The following SLC12A2 variants were observed in gnomAD, a reference collection of about 807,000 sequenced individuals.
The protein encoded by SLC12A2 is solute carrier family 12 member 2, also known as Na-K-2Cl cotransporter 1.
A neutral mutation model predicts 136.3 loss-of-function variants in SLC12A2; 67 were observed. The observed-to-expected ratio is 0.49, with a 90% CI of 0.40 to 0.60. The LOEUF is 0.60. Among genes scored for constraint, SLC12A2 ranks in the 20% least tolerant of loss-of-function variants. The pLI is 0.00. For synonymous variants in SLC12A2, 619 were observed against 562.9 expected, an observed-to-expected ratio of 1.10 and a Z score of -1.41; for missense variants, 1,322 against 1,534.7, an observed-to-expected ratio of 0.86 and a Z score of 2.32.
intron 22 of SLC12A2, among the ~76,000 whole-genome samples, chr5:128,179,767 C>T (rs1411092454): frequency 6.6e-5 from 10 of 152,020 alleles, no homozygotes; most frequent in Non-Finnish European, 1.5e-5. Context: ...CACTAAGCTC[C>T]ACCTCCAGCA....
chr5:128,110,284 C>T (rs1255266096), intron 1 of SLC12A2: 19 of 812,742 alleles, frequency 2.3e-5, no homozygotes, highest in Admixed American at 1.9e-4. Context: ...CCAAGGATAT[C>T]GTGATGCCTA....
At chr5:128,102,103 C>T (rs1760759303) in intron 1 of SLC12A2, among the ~76,000 whole-genome samples, 1 of 151,848 alleles carries the variant, frequency 6.6e-6, no homozygotes, top group Non-Finnish European at 1.5e-5. Context: ...TAGTAGATCA[C>T]TTATTTGTTT....
At chr5:128,134,807 G>A (rs1406486512) in intron 6 of SLC12A2, among the ~76,000 whole-genome samples, 2 of 152,032 alleles carry the variant, frequency 1.3e-5, no homozygotes, top group African/African-American at 4.8e-5. Flanking sequence ...GAGCATCATA[G>A]CACAGCTGTA....
At chr5:128,153,100 T>A (rs1762757418) in intron 15 of SLC12A2, among the ~76,000 whole-genome samples, 1 of 152,194 alleles carries the variant, frequency 6.6e-6, no homozygotes, top group African/African-American at 2.4e-5. Flanking sequence ...TTCATAAAGA[T>A]TTTTTGACAT....
At chr5:128,150,144 G>A (rs1156742544) in intron 13 of SLC12A2, 46 bp downstream of exon 13, 1 of 1,217,492 alleles carries the variant, frequency 8.2e-7, no homozygotes. Flanking sequence ...ATTTTTGATT[G>A]CAAAGAAAAT....
intron 18 of SLC12A2, chr5:128,171,095 CAA>C (rs765159997): frequency 4.0e-4 from 22 of 54,874 alleles, no homozygotes; most frequent in South Asian, 6.3e-4. Context: ...GACTCTGTCT[CAA>C]AAAAAAAAAA....
In SLC12A2 at chr5:128,188,513, T is replaced by A. The variant is rs1479940576; in HGVS notation, c.*1882T>A. On this transcript the variant is annotated 3_prime_UTR_variant, in exon 27 of 27. Transcript: ENST00000262461. The stretch of plus-strand genomic sequence containing the variant: ...TTTCACCGTGTTGGCTAGGATGGTG[T>A]CTATCTCTTGACCTTGTGATCCACC... 2 of 151,828 alleles carry A rather than the reference T, an allele frequency of 1.3e-5. No individual in the cohort carries two copies. The highest frequency in any genetic ancestry group is 2.9e-5 in the Non-Finnish European group (2 of 67,952). 9.4% of individuals were successfully genotyped at this position (151,828 alleles called of 1,614,324 possible).
intron 4 of SLC12A2, among the ~76,000 whole-genome samples, chr5:128,126,966 A>ATATATAATTTT: frequency 0.12 from 2,475 of 21,208 alleles, 251 homozygotes; most frequent in East Asian, 0.18. Context: ...ATATATATAT[A>ATATATAATTTT]TTTTTTTTTT....
intron 4 of SLC12A2, among the ~76,000 whole-genome samples, chr5:128,119,477 G>A (rs1172928851): frequency 6.6e-6 from 1 of 152,004 alleles, no homozygotes; most frequent in African/African-American, 2.4e-5. Context: ...ATTAAATAGG[G>A]AATCCTTTCC....
chr5:128,152,657 T>G (rs745790872), intron 14 of SLC12A2, 49 bp from the exon 15 acceptor site: 1 of 1,142,008 alleles, frequency 8.8e-7, no homozygotes, highest in Non-Finnish European at 1.3e-6. Flanking sequence ...GGCTATTGAT[T>G]GGTTGTTATT....
intron 26 of SLC12A2, 26 bp from the exon 27 acceptor site, chr5:128,186,470 T>TC (rs1217142444): frequency 6.4e-7 from 1 of 1,570,618 alleles, no homozygotes; most frequent in Admixed American, 2.1e-5. Flanking sequence ...GGTTTTTTTT[T>TC]TTTCTTTTTC....
chr5:128,155,112 A>G (rs1043892145), intron 15 of SLC12A2, among the ~76,000 whole-genome samples: 3 of 152,182 alleles, frequency 2.0e-5, no homozygotes, highest in African/African-American at 7.2e-5. Context: ...GATGTTGGGC[A>G]GGCAGTGTCT....
In SLC12A2 at chr5:128,134,155, CTT is replaced by C. The variant is rs774511847; in HGVS notation, c.1189-6_1189-5del. Reference sequence around the variant, plus strand: ...GTATTGCTTATTATATTTATGATTCCTTTTTCTAGGAACATTCCATACTTATG... The same window carrying C: ...GTATTGCTTATTATATTTATGATTCCTTTCTAGGAACATTCCATACTTATG... On this transcript the variant is annotated splice_region_variant and splice_polypyrimidine_tract_variant and intron_variant, in intron 5 of 26. Coordinates refer to ENST00000262461, the MANE Select transcript of SLC12A2 (RefSeq NM_001046.3). The C allele has an allele frequency of 1.4e-6, 2 of 1,401,724 alleles. No individual in the cohort carries two copies. The highest frequency in any genetic ancestry group is 2.0e-6 in the Non-Finnish European group (2 of 991,844). 86.8% of individuals were successfully genotyped at this position (1,401,724 alleles called of 1,614,324 possible). A position where few individuals can be genotyped will look rare whatever the true frequency, so the allele number is the denominator to read the frequency against.
At chr5:128,164,508 G>A (rs906466079) in intron 17 of SLC12A2, among the ~76,000 whole-genome samples, 3 of 152,108 alleles carry the variant, frequency 2.0e-5, no homozygotes, top group Admixed American at 6.5e-5. Context: ...AATAGGTGCC[G>A]GTTGCCTCTG....
intron 1 of SLC12A2, among the ~76,000 whole-genome samples, chr5:128,091,721 A>G (rs1166723485): frequency 2.0e-5 from 3 of 152,126 alleles, no homozygotes; most frequent in Non-Finnish European, 4.4e-5. Flanking sequence ...GGGGGTTTCT[A>G]ATTGGAAGAA....
intron 1 of SLC12A2, chr5:128,110,785 A>G (rs1350934914): frequency 1.4e-6 from 2 of 1,473,378 alleles, no homozygotes. Flanking sequence ...TGAAGAGGCC[A>G]AAAAGATAGC....
chr5:128,133,922 A>G (rs1762104996), intron 5 of SLC12A2, among the ~76,000 whole-genome samples: 1 of 152,042 alleles, frequency 6.6e-6, no homozygotes, highest in Admixed American at 6.5e-5. Context: ...TGATTTATTG[A>G]GTCTATATTA....
chr5:128,163,003 C>T (rs1763091093), intron 17 of SLC12A2, among the ~76,000 whole-genome samples: 1 of 151,832 alleles, frequency 6.6e-6, no homozygotes, highest in Admixed American at 6.6e-5. Flanking sequence ...GTGTGTGGCT[C>T]AAGACAATTC....
chr5:128,129,419 A>T (rs1452090406), intron 4 of SLC12A2, among the ~76,000 whole-genome samples: 1 of 151,760 alleles, frequency 6.6e-6, no homozygotes, highest in African/African-American at 2.4e-5. Context: ...TTTCGTGGAA[A>T]ATTTTAAGTC....
Sources: gnomAD v4.1 joint callset for allele counts (sites outside exome capture counted in the v4.1 genomes callset) on GRCh38, gnomAD v4.1.1 for gene constraint, MANE v1.5 for transcripts, NCBI Gene and HGNC (gene_info 2026-07-23, HGNC 2026-07-21) for gene names.